Variants in MIR2052HG observed in about 807,000 individuals in gnomAD.
MIR2052HG encodes the protein MIR2052 host gene.
At chr8:74,643,819 C>A (rs1284859039) in intron 2 of MIR2052HG, among the ~76,000 whole-genome samples, 1 of 152,124 alleles carries the variant, frequency 6.6e-6, no homozygotes, top group African/African-American at 2.4e-5. Context: ...ATTCACCACT[C>A]TTTTTATCAT....
chr8:74,736,430 A>G (rs1809745261), intron 4 of MIR2052HG, among the ~76,000 whole-genome samples: 1 of 152,188 alleles, frequency 6.6e-6, no homozygotes, highest in South Asian at 2.1e-4. Context: ...CTTGGCAGTA[A>G]ATATGGGGTA....
intron 4 of MIR2052HG, among the ~76,000 whole-genome samples, chr8:74,743,389 C>A (rs749589586): frequency 2.7e-4 from 41 of 152,054 alleles, no homozygotes; most frequent in Non-Finnish European, 5.6e-4. Flanking sequence ...AGAAGGGAAT[C>A]AAAATGAGAG....
chr8:74,602,877 T>TTTCTTTCTTTC lies in MIR2052HG; in HGVS notation n.128+2973_128+2974insTTCTTTCTTCT, dbSNP rs1808041801. On this transcript the variant is annotated intron_variant and non_coding_transcript_variant, in intron 1 of 6. Transcript: ENST00000523442. ...TCTTTCTTTCTTTCTTTCTTTCTTT[T>TTTCTTTCTTTC]TTCTATTCACAAAGAAAAAGCTCCA... 2.1e-3 allele frequency among the ~76,000 whole-genome samples: 112 copies of TTTCTTTCTTTC among 53,796 alleles called. 15 individuals carry two copies. Among genetic ancestry groups the TTTCTTTCTTTC allele is most frequent in the Admixed American group, 3.1e-3 (17 of 5,562 alleles). 35.3% of individuals were successfully genotyped at this position (53,796 alleles called of 152,430 possible). A position where few individuals can be genotyped will look rare whatever the true frequency, so the allele number is the denominator to read the frequency against.
intron 4 of MIR2052HG, among the ~76,000 whole-genome samples, chr8:74,716,039 A>T (rs1364604523): frequency 1.3e-5 from 2 of 152,214 alleles, no homozygotes; most frequent in Non-Finnish European, 2.9e-5. Flanking sequence ...GATCCCAGAA[A>T]GCTCTGGTAG....
intron 4 of MIR2052HG, among the ~76,000 whole-genome samples, chr8:74,727,335 G>A (rs111909350): frequency 2.1e-4 from 32 of 152,242 alleles, no homozygotes; most frequent in African/African-American, 7.5e-4. Context: ...TCTGGAAGGT[G>A]GATTTACATG....
chr8:74,752,693 T>C (rs1014636930), intron 5 of MIR2052HG, among the ~76,000 whole-genome samples: 3 of 152,206 alleles, frequency 2.0e-5, no homozygotes, highest in Non-Finnish European at 4.4e-5. Flanking sequence ...AAATGCTAGA[T>C]TGCTAGTAAA....
chr8:74,632,605 T>C (rs956246965), intron 2 of MIR2052HG: 1 of 152,224 alleles, frequency 6.6e-6, no homozygotes, highest in Non-Finnish European at 1.5e-5. Context: ...ATTTGCTGCA[T>C]ATTTGAAAGT....
chr8:74,601,180 T>G (rs1807995014), intron 1 of MIR2052HG, among the ~76,000 whole-genome samples: 1 of 152,234 alleles, frequency 6.6e-6, no homozygotes, highest in Non-Finnish European at 1.5e-5. Flanking sequence ...ATAAGCATCT[T>G]TACTGCAGAG....
At chr8:74,744,892 A>G (rs13268614) in intron 4 of MIR2052HG, among the ~76,000 whole-genome samples, 31,851 of 152,112 alleles carry the variant, frequency 0.21, 3,458 homozygotes, top group Middle Eastern at 0.3. Context: ...GGTAACTACT[A>G]TCTGTGTCTA....
chr8:74,626,631 T>C (rs537224675), intron 2 of MIR2052HG, among the ~76,000 whole-genome samples: 56 of 152,244 alleles, frequency 3.7e-4, no homozygotes, highest in Non-Finnish European at 6.9e-4. Context: ...CTATATGCCG[T>C]GAATACTACC....
At chr8:74,688,334 C>T (rs142655593) in intron 2 of MIR2052HG, among the ~76,000 whole-genome samples, 28 of 152,114 alleles carry the variant, frequency 1.8e-4, no homozygotes, top group Non-Finnish European at 3.5e-4. Flanking sequence ...ATTAAGCTGA[C>T]AGTTATTACC....
intron 4 of MIR2052HG, among the ~76,000 whole-genome samples, chr8:74,711,558 A>G (rs966479870): frequency 2.0e-5 from 3 of 152,164 alleles, no homozygotes; most frequent in Non-Finnish European, 4.4e-5. Flanking sequence ...TGACAGTTCC[A>G]TGGGAGATAT....
intron 2 of MIR2052HG, among the ~76,000 whole-genome samples, chr8:74,652,634 A>C (rs1335193190): frequency 6.6e-6 from 1 of 152,198 alleles, no homozygotes. Flanking sequence ...CACAATTTTA[A>C]AAATAGGGTT....
chr8:74,618,586 A>G (rs926180950), intron 2 of MIR2052HG, among the ~76,000 whole-genome samples: 1 of 152,228 alleles, frequency 6.6e-6, no homozygotes, highest in Non-Finnish European at 1.5e-5. Context: ...ATTTGACAAA[A>G]TTTCACATTA....
rs1808052078 is a variant in MIR2052HG at position 74,603,285 on chromosome 8, G to T, written n.128+3377G>T. On this transcript the variant is annotated intron_variant and non_coding_transcript_variant, in intron 1 of 6. Coordinates refer to ENST00000523442, the Ensembl canonical transcript of MIR2052HG. ...AAGGGATTGTGGATAAATCTGCATT[G>T]TTCTAGCTGCTCCCCATGCCACCCG... is the stretch of plus-strand genomic sequence containing the variant. The T allele has an allele frequency of 1.9e-5, 30 of 1,555,472 alleles. No homozygotes were observed. The South Asian group carries it at 2.9e-4, about 15-fold the overall frequency.
intron 4 of MIR2052HG, among the ~76,000 whole-genome samples, chr8:74,720,100 C>T (rs539504681): frequency 4.6e-5 from 7 of 152,132 alleles, no homozygotes; most frequent in Non-Finnish European, 7.4e-5. Flanking sequence ...TCCCCCGCCT[C>T]GGCCTCCCAA....
chr8:74,658,389 CTT>C (rs58119023), intron 2 of MIR2052HG, among the ~76,000 whole-genome samples: 82 of 145,066 alleles, frequency 5.7e-4, no homozygotes, highest in African/African-American at 1.7e-3. Context: ...CTCTCGCTCT[CTT>C]TTTTTTTTTT....
chr8:74,608,448 C>T (rs1372953671), intron 1 of MIR2052HG, among the ~76,000 whole-genome samples: 3 of 152,114 alleles, frequency 2.0e-5, no homozygotes, highest in Non-Finnish European at 4.4e-5. Flanking sequence ...AGTCTTAACA[C>T]TATCAATCAG....
At chr8:74,610,356 G>T (rs1192591071) in intron 1 of MIR2052HG, among the ~76,000 whole-genome samples, 1 of 151,708 alleles carries the variant, frequency 6.6e-6, no homozygotes, top group Non-Finnish European at 1.5e-5. Flanking sequence ...ATACAATATT[G>T]CTGAGAAAAA....
Sources: allele counts gnomAD v4.1 joint callset (sites outside exome capture counted in the v4.1 genomes callset), GRCh38; gene constraint gnomAD v4.1.1; transcripts MANE v1.5; gene names NCBI Gene and HGNC (gene_info 2026-07-23, HGNC 2026-07-21).